The following ELL variants were observed in gnomAD, a reference collection of about 807,000 sequenced individuals.
ELL encodes elongation factor for RNA polymerase II, also known as RNA polymerase II elongation factor ELL.
In ELL, 18 loss-of-function variants were observed where a neutral mutation model predicts 64.0. The ratio of observed to expected loss-of-function variants is 0.28; its 90% confidence interval spans 0.19 to 0.42. The LOEUF is 0.42. ELL is among the 10% of genes least tolerant of loss of function. The probability of loss-of-function intolerance (pLI) is 1.00; values close to 1 mark genes in which losing one functional copy is unlikely to be tolerated. For synonymous variants in ELL, 399 were observed against 376.2 expected (o/e 1.06, Z -0.70); for missense variants, 797 against 870.4 (o/e 0.92, Z 1.06).
At chr19:18,503,565 C>T (rs1205569173) in intron 1 of ELL, among the ~76,000 whole-genome samples, 1 of 152,168 alleles carries the variant, frequency 6.6e-6, no homozygotes. Context: ...TAACAGTTCA[C>T]CAAGTGAGCT....
chr19:18,512,418 G>A (rs528822957), intron 1 of ELL, among the ~76,000 whole-genome samples: 4 of 152,222 alleles, frequency 2.6e-5, no homozygotes, highest in South Asian at 2.1e-4. Context: ...CGGGCAGGTC[G>A]CTTCAGCTCA....
chr19:18,513,117 GAGC>G (rs1201813955), intron 1 of ELL, among the ~76,000 whole-genome samples: 1 of 152,098 alleles, frequency 6.6e-6, no homozygotes, highest in Non-Finnish European at 1.5e-5. Context: ...GTCCAAAGAG[GAGC>G]AAGCCAAGCG....
At chr19:18,509,593 GCACA>G (rs1975966201) in intron 1 of ELL, among the ~76,000 whole-genome samples, 4 of 83,240 alleles carry the variant, frequency 4.8e-5, no homozygotes, top group South Asian at 9.4e-4. Flanking sequence ...GCGCGCGCGC[GCACA>G]TACACACACA....
intron 5 of ELL, among the ~76,000 whole-genome samples, chr19:18,459,622 C>A (rs1414042688): frequency 6.6e-6 from 1 of 151,370 alleles, no homozygotes; most frequent in Non-Finnish European, 1.5e-5. Context: ...CGGGTTCACG[C>A]CATTCTCCAG....
intron 1 of ELL, among the ~76,000 whole-genome samples, chr19:18,505,611 G>A (rs1438984454): frequency 6.6e-6 from 1 of 152,198 alleles, no homozygotes; most frequent in Non-Finnish European, 1.5e-5. Context: ...GATGGGAAAG[G>A]GCTAAGCCGG....
intron 1 of ELL, among the ~76,000 whole-genome samples, chr19:18,482,308 C>CTTTTTTTTTTTTTTTTTTTTTTT (rs530594631): frequency 1.3e-5 from 1 of 77,566 alleles, no homozygotes; most frequent in African/African-American, 6.5e-5. Flanking sequence ...CTTTTCATTC[C>CTTTTTTTTTTTTTTTTTTTTTTT]TTTTTTTTTT....
chr19:18,500,198 G>T (rs976012989), intron 1 of ELL, among the ~76,000 whole-genome samples: 2 of 150,614 alleles, frequency 1.3e-5, no homozygotes, highest in African/African-American at 4.9e-5. Flanking sequence ...GGAGGCGGAG[G>T]TTGCAGTGAG....
chr19:18,474,320 AT>A (rs1975131225), intron 1 of ELL, among the ~76,000 whole-genome samples: 1 of 152,232 alleles, frequency 6.6e-6, no homozygotes, highest in South Asian at 2.1e-4. Context: ...TATGACATGC[AT>A]AGTGCCCAGA....
At chr19:18,467,517 G>A (rs1047248993) in intron 2 of ELL, among the ~76,000 whole-genome samples, 8 of 151,754 alleles carry the variant, frequency 5.3e-5, no homozygotes, top group African/African-American at 1.7e-4. Context: ...TCTCTATCAG[G>A]GTCAGAGAAG....
At chr19:18,483,851 G>A (rs1480207769) in intron 1 of ELL, among the ~76,000 whole-genome samples, 3 of 152,182 alleles carry the variant, frequency 2.0e-5, no homozygotes, top group African/African-American at 7.2e-5. Flanking sequence ...TGCCCACCCT[G>A]CCTGCACCTC....
chr19:18,474,283 C>T (rs1975129941), intron 1 of ELL, among the ~76,000 whole-genome samples: 1 of 152,206 alleles, frequency 6.6e-6, no homozygotes, highest in South Asian at 2.1e-4. Flanking sequence ...GTCTGCTTGG[C>T]CAGCTTAGAC....
chr19:18,496,559 T>C (rs990608217), intron 1 of ELL, among the ~76,000 whole-genome samples: 3 of 151,406 alleles, frequency 2.0e-5, no homozygotes, highest in Non-Finnish European at 4.4e-5. Context: ...TAGAAACATA[T>C]AGTTTGGCAG....
chr19:18,497,627 T>C (rs1975685249), intron 1 of ELL, among the ~76,000 whole-genome samples: 1 of 151,826 alleles, frequency 6.6e-6, no homozygotes, highest in Admixed American at 6.6e-5. Flanking sequence ...CAGACCAGCC[T>C]GAGCAACACA....
rs773268453 is a variant in ELL at position 18,472,856 on chromosome 19, G to T, written c.162C>A (p.Ile54=). ...TTACCCCTTGGCTTCCTTGAAATCG[G>T]ATAGATGGCCTCAGTGAAACAGAAT... The part of the protein sequence containing the change: ...RQDSVSLRPS[I]RFQGSQGHIS... The change falls in exon 2 of 12, where the codon ATC becomes ATA. Residue 54 remains isoleucine, a synonymous_variant. Coordinates refer to ENST00000262809, the MANE Select transcript of ELL (RefSeq NM_006532.4). 1.3e-6 allele frequency: 2 copies of T among 1,570,174 alleles called. No individual in the cohort carries two copies. The highest frequency in any genetic ancestry group is 3.5e-5 in the Admixed American group (2 of 56,790).
intron 1 of ELL, among the ~76,000 whole-genome samples, chr19:18,477,833 G>A (rs968194329): frequency 2.0e-5 from 3 of 152,198 alleles, no homozygotes. Flanking sequence ...CAGTGAGCAT[G>A]CATGAATAGA....
At chr19:18,480,660 G>A (rs1013302233) in intron 1 of ELL, among the ~76,000 whole-genome samples, 13 of 152,144 alleles carry the variant, frequency 8.5e-5, no homozygotes, top group Non-Finnish European at 1.0e-4. Flanking sequence ...TTGGAGATAA[G>A]CTCTCACTCT....
At chr19:18,504,674 T>C (rs1411555165) in intron 1 of ELL, among the ~76,000 whole-genome samples, 1 of 152,128 alleles carries the variant, frequency 6.6e-6, no homozygotes, top group Non-Finnish European at 1.5e-5. Flanking sequence ...GGCTCGACTT[T>C]AAATAAACAG....
chr19:18,492,254 T>C (rs1975548651), intron 1 of ELL, among the ~76,000 whole-genome samples: 1 of 152,214 alleles, frequency 6.6e-6, no homozygotes, highest in Admixed American at 6.5e-5. Flanking sequence ...TCCTCATCCG[T>C]CATGGTGACG....
At chr19:18,455,960 T>C (rs1974664161) in intron 6 of ELL, among the ~76,000 whole-genome samples, 1 of 151,826 alleles carries the variant, frequency 6.6e-6, no homozygotes, top group Non-Finnish European at 1.5e-5. Flanking sequence ...TAGCCGGGCA[T>C]GGTGCGCATG....
Sources: allele counts gnomAD v4.1 joint callset (sites outside exome capture counted in the v4.1 genomes callset), GRCh38; gene constraint gnomAD v4.1.1; transcripts MANE v1.5; gene names NCBI Gene and HGNC (gene_info 2026-07-23, HGNC 2026-07-21).